The following IMMP2L variants were observed in gnomAD, a reference collection of about 807,000 sequenced individuals.
IMMP2L encodes the protein inner mitochondrial membrane peptidase subunit 2, also known as mitochondrial inner membrane protease subunit 2.
Under a neutral mutation model 19.3 loss-of-function variants are expected in IMMP2L, and 18 were observed. The observed-to-expected ratio is 0.93, with a 90% CI of 0.64 to 1.38. The LOEUF (loss-of-function observed/expected upper bound fraction) is 1.38, where lower values mean the gene tolerates loss of function less well. Among genes scored for constraint, IMMP2L ranks in the 40% most tolerant of loss-of-function variants. The pLI is 0.00. For missense variants in IMMP2L, 233 were observed against 218.2 expected (o/e 1.07, Z -0.43); for synonymous variants, 76 against 73.0 (o/e 1.04, Z -0.21).
intron 3 of IMMP2L, among the ~76,000 whole-genome samples, chr7:111,328,410 G>GA (rs1825543834): frequency 6.6e-6 from 1 of 151,764 alleles, no homozygotes; most frequent in Admixed American, 6.6e-5. Context: ...TGGTTACTGA[G>GA]TTTTCCCCAG....
chr7:111,492,767 T>C (rs1326976925), intron 2 of IMMP2L, among the ~76,000 whole-genome samples: 12 of 152,166 alleles, frequency 7.9e-5, no homozygotes, highest in Admixed American at 7.9e-4. Context: ...AATAGTGAAG[T>C]AAGTATTAGA....
At chr7:111,132,023 T>C (rs1801895327) in intron 3 of IMMP2L, among the ~76,000 whole-genome samples, 1 of 151,928 alleles carries the variant, frequency 6.6e-6, no homozygotes, top group Non-Finnish European at 1.5e-5. Flanking sequence ...TAATTGTTCC[T>C]ATTATCTTCT....
At chr7:111,038,822 G>T (rs1791603191) in intron 3 of IMMP2L, among the ~76,000 whole-genome samples, 1 of 152,146 alleles carries the variant, frequency 6.6e-6, no homozygotes, top group African/African-American at 2.4e-5. Context: ...GTTATTAGTA[G>T]AAAACAGATT....
At chr7:110,971,228 A>G (rs906985200) in intron 3 of IMMP2L, among the ~76,000 whole-genome samples, 1 of 152,144 alleles carries the variant, frequency 6.6e-6, no homozygotes, top group Non-Finnish European at 1.5e-5. Context: ...GTTTGCCATG[A>G]TATCAGTGAT....
chr7:111,068,164 T>C (rs561219699), intron 3 of IMMP2L, among the ~76,000 whole-genome samples: 1 of 152,284 alleles, frequency 6.6e-6, no homozygotes, highest in South Asian at 2.1e-4. Flanking sequence ...CCTACATACA[T>C]ACATACATCA....
intron 3 of IMMP2L, among the ~76,000 whole-genome samples, chr7:111,352,896 G>A (rs1463277338): frequency 1.3e-5 from 2 of 152,074 alleles, no homozygotes; most frequent in African/African-American, 4.8e-5. Context: ...TTACTGTGAG[G>A]TCCTTTAAAG....
In IMMP2L at chr7:110,758,810, G is replaced by A. The variant is rs1353566191; in HGVS notation, c.409-95089C>T. ...CGTAGTAACTACTGGTCATTGCAGT[G>A]CCTGGAAAATTAATGAGTTATATAA... On this transcript the variant is annotated intron_variant, in intron 5 of 5. Coordinates refer to ENST00000405709, the MANE Select transcript of IMMP2L (RefSeq NM_032549.4). This position sits in a 1 kb window ranked among gnomAD's most constrained non-coding sequence, Gnocchi z 4.6. Among the ~76,000 whole-genome samples the A allele has an allele frequency of 2.0e-5, 3 of 152,018 alleles. No homozygotes were observed. The highest frequency in any genetic ancestry group is 4.1e-4 in the South Asian group (2 of 4,820).
chr7:111,464,124 T>C (rs978224841), intron 3 of IMMP2L, among the ~76,000 whole-genome samples: 10 of 152,072 alleles, frequency 6.6e-5, no homozygotes, highest in Non-Finnish European at 1.5e-5. Context: ...CTAGATTACA[T>C]AAGTCCAGTT....
chr7:111,544,823 G>A (rs1433916006), intron 1 of IMMP2L, among the ~76,000 whole-genome samples: 1 of 151,544 alleles, frequency 6.6e-6, no homozygotes, highest in East Asian at 1.9e-4. Flanking sequence ...AAGGTAACTG[G>A]CTACCCTAAG....
At chr7:111,337,192 G>T (rs556903117) in intron 3 of IMMP2L, among the ~76,000 whole-genome samples, 4 of 151,890 alleles carry the variant, frequency 2.6e-5, no homozygotes, top group African/African-American at 9.6e-5. Flanking sequence ...TGAAATGTCT[G>T]GGTTTTCTTT....
intron 3 of IMMP2L, among the ~76,000 whole-genome samples, chr7:111,422,127 C>A (rs1361890437): frequency 6.6e-6 from 1 of 151,732 alleles, no homozygotes; most frequent in Non-Finnish European, 1.5e-5. Flanking sequence ...GTTACTGTAG[C>A]ATTGTAGTCT....
At chr7:111,241,810 G>A (rs1247934103) in intron 3 of IMMP2L, among the ~76,000 whole-genome samples, 1 of 151,618 alleles carries the variant, frequency 6.6e-6, no homozygotes, top group African/African-American at 2.4e-5. Context: ...TTATAGAACT[G>A]AGTAACTTGA....
intron 3 of IMMP2L, among the ~76,000 whole-genome samples, chr7:111,086,524 A>G (rs1796353878): frequency 6.6e-6 from 1 of 152,172 alleles, no homozygotes; most frequent in African/African-American, 2.4e-5. Context: ...TCTACTTTCC[A>G]AAACTCCTTT....
intron 4 of IMMP2L, among the ~76,000 whole-genome samples, chr7:110,937,923 C>T (rs572735362): frequency 6.6e-6 from 1 of 152,278 alleles, no homozygotes; most frequent in African/African-American, 2.4e-5. Context: ...AGCAACAGAA[C>T]TTCAAAGACT....
intron 1 of IMMP2L, among the ~76,000 whole-genome samples, chr7:111,558,053 A>G (rs1791581338): frequency 6.6e-6 from 1 of 152,200 alleles, no homozygotes; most frequent in African/African-American, 2.4e-5. Context: ...AAGATGACAA[A>G]GAAAAAAACT....
rs1484229556 is a variant in IMMP2L, at chr7:111,214,328, C to CTTTTTTTTTTTTTTT, written c.240-250764_240-250763insAAAAAAAAAAAAAAA. 9.4e-5 allele frequency among the ~76,000 whole-genome samples: 8 copies of CTTTTTTTTTTTTTTT among 85,110 alleles called. 3 individuals are homozygous for CTTTTTTTTTTTTTTT. The highest frequency in any genetic ancestry group is 1.8e-4 in the Non-Finnish European group (8 of 44,320). 55.8% of individuals were successfully genotyped at this position (85,110 alleles called of 152,430 possible). On this transcript the variant is annotated intron_variant, in intron 3 of 5. Coordinates refer to ENST00000405709, the MANE Select transcript of IMMP2L (RefSeq NM_032549.4). ...GTGAATGAATGACAAAGTAATTTTT[C>CTTTTTTTTTTTTTTT]TTCTTTTTTTTTTTTTTTTTTTTTT...
At chr7:111,319,366 T>C (rs948592884) in intron 3 of IMMP2L, among the ~76,000 whole-genome samples, 1 of 152,116 alleles carries the variant, frequency 6.6e-6, no homozygotes, top group Non-Finnish European at 1.5e-5. Flanking sequence ...CTACATATTA[T>C]AGATTTCTCC....
intron 3 of IMMP2L, among the ~76,000 whole-genome samples, chr7:111,141,923 C>T (rs942352161): frequency 2.6e-5 from 4 of 152,110 alleles, no homozygotes; most frequent in East Asian, 1.9e-4. Flanking sequence ...AGGCTGGTAT[C>T]GAACTCTTGG....
intron 3 of IMMP2L, among the ~76,000 whole-genome samples, chr7:111,256,437 AT>A (rs2129633433): frequency 6.6e-6 from 1 of 152,176 alleles, no homozygotes; most frequent in East Asian, 1.9e-4. Flanking sequence ...AATACATGTC[AT>A]TTTCTTCTTC....
Sources: allele counts gnomAD v4.1 joint callset (sites outside exome capture counted in the v4.1 genomes callset), GRCh38; gene constraint gnomAD v4.1.1; non-coding constraint Gnocchi (gnomAD v3.1); transcripts MANE v1.5; gene names NCBI Gene and HGNC (gene_info 2026-07-23, HGNC 2026-07-21).